MICB: variants seen among roughly 807,000 people sequenced by gnomAD.
MICB encodes the protein MHC class I antigen-related protein B.
MICB carries 27 observed loss-of-function variants against 34.3 expected under a neutral mutation model. The observed-to-expected ratio is 0.79, with a 90% confidence interval of 0.58 to 1.08. MICB has a LOEUF of 1.08. Among genes scored for constraint, MICB ranks in the 50% least tolerant of loss-of-function variants. MICB has a pLI of 0.00. For missense variants in MICB, 426 were observed against 483.1 expected, an observed-to-expected ratio of 0.88 and a Z score of 1.11; for synonymous variants, 153 against 187.4, an observed-to-expected ratio of 0.82 and a Z score of 1.50.
chr6:31,503,293 A>G (rs1418786050), intron 1 of MICB, among the ~76,000 whole-genome samples: 2 of 152,224 alleles, frequency 1.3e-5, no homozygotes, highest in Non-Finnish European at 2.9e-5. Flanking sequence ...AACAATTTGA[A>G]TAGGACTGAT....
rs890376882 is a variant in MICB at position 31,507,444 on chromosome 6, G to T, written c.937G>T (p.Val313Phe). 2 of 1,614,014 alleles carry T rather than the reference G, an allele frequency of 1.2e-6. No homozygotes were observed. The highest frequency in any genetic ancestry group is 2.7e-5 in the African/African-American group (2 of 74,896). The change falls in exon 5 of 6, where the codon GTT becomes TTT. Residue 313 changes from valine (V) to phenylalanine (F), a missense_variant. Coordinates refer to ENST00000252229, the MANE Select transcript of MICB (RefSeq NM_005931.5). The surrounding 1 kb of genome is among the most constrained non-coding windows in gnomAD (Gnocchi z 6.0). ...LQSQRTDFPY[V>F]SAAMPCFVII... is the part of the protein sequence containing the mutation. The stretch of plus-strand genomic sequence containing the variant: ...GAGTCAACGGACAGACTTTCCATAT[G>T]TTTCTGCTGCTATGCCATGTTTTGT...
chr6:31,496,345 G>C (rs1167287322), upstream of MICB, among the ~76,000 whole-genome samples: 1 of 150,914 alleles, frequency 6.6e-6, no homozygotes, highest in Non-Finnish European at 1.5e-5. Flanking sequence ...ATCTACTTGG[G>C]AAGATTTTCT....
At chr6:31,497,025 A>G (rs1457382689), upstream of MICB, among the ~76,000 whole-genome samples, 1 of 152,164 alleles carries the variant, frequency 6.6e-6, no homozygotes, top group Admixed American at 6.5e-5. Flanking sequence ...AGCATCCACC[A>G]TGTGTGACAT....
chr6:31,498,289 G>T (rs1263801918), intron 1 of MICB, 26 bp downstream of exon 1: 13 of 1,527,702 alleles, frequency 8.5e-6, no homozygotes, highest in Non-Finnish European at 1.1e-5. Flanking sequence ...GGCGGTCCCC[G>T]GCGGAGCGGG....
chr6:31,495,778 T>A (rs1445093857), upstream of MICB, among the ~76,000 whole-genome samples: 3 of 151,996 alleles, frequency 2.0e-5, no homozygotes, highest in Non-Finnish European at 4.4e-5. Context: ...TCCCAGCTAC[T>A]CAAGAGGCTG....
chr6:31,498,075 T>A, upstream of MICB: 1 of 725,876 alleles, frequency 1.4e-6, no homozygotes, highest in Non-Finnish European at 2.1e-6. Context: ...GGCCTCAGTT[T>A]TCACTGGATA....
At chr6:31,509,042 A>G (rs542427721) in intron 5 of MICB, among the ~76,000 whole-genome samples, 2 of 152,262 alleles carry the variant, frequency 1.3e-5, no homozygotes, top group African/African-American at 4.8e-5. Flanking sequence ...CTAGGGACAG[A>G]GCAGGAAGGC....
rs3095232 is a variant in MICB at position 31,502,371 on chromosome 6, G to C, written c.71-3246G>C. Among the ~76,000 whole-genome samples, 82 of 152,188 alleles carry C rather than the reference G, an allele frequency of 5.4e-4. No homozygotes were observed. The East Asian group carries it at 0.015, about 27-fold the overall frequency. ...AAATAAACATTGATTCTTCCAGTCCGTGAACATGGAATGCCTTTTCCATTT... is the reference window on the plus strand; with the variant it reads ...AAATAAACATTGATTCTTCCAGTCCCTGAACATGGAATGCCTTTTCCATTT... On this transcript the variant is annotated intron_variant, in intron 1 of 5. Transcript: ENST00000252229.
In MICB at chr6:31,507,682, ATCT is replaced by A; in HGVS notation, c.1024+152_1024+154del. On this transcript the variant is annotated intron_variant, in intron 5 of 5. Transcript: ENST00000252229. This position sits in a 1 kb window ranked among gnomAD's most constrained non-coding sequence, Gnocchi z 6.0. Reference sequence around the variant, plus strand: ...TATTTGGGAGGGGAATGGGAGCTGCATCTCCATCTACACCCATAAGTGCTTCCC... The same window carrying A: ...TATTTGGGAGGGGAATGGGAGCTGCACCATCTACACCCATAAGTGCTTCCC... The A allele has an allele frequency of 1.0e-6, 1 of 959,102 alleles. No homozygotes were observed. Among genetic ancestry groups the A allele is most frequent in the Non-Finnish European group, 1.6e-6 (1 of 640,110 alleles). The allele number at this position is 959,102 out of a possible 1,614,324, so 59.4% of individuals were successfully genotyped here.
intron 1 of MICB, among the ~76,000 whole-genome samples, chr6:31,505,415 C>T (rs926532636): frequency 4.0e-5 from 6 of 151,702 alleles, no homozygotes; most frequent in Non-Finnish European, 8.8e-5. Flanking sequence ...CATCTTCATT[C>T]CCCCTTCTTC....
intron 1 of MICB, among the ~76,000 whole-genome samples, chr6:31,502,411 A>C (rs1765063916): frequency 6.6e-6 from 1 of 152,168 alleles, no homozygotes; most frequent in African/African-American, 2.4e-5. Context: ...TGTCCTCTTC[A>C]ATGTTTTGCA....
chr6:31,500,896 T>C (rs1199872049), intron 1 of MICB, among the ~76,000 whole-genome samples: 1 of 152,204 alleles, frequency 6.6e-6, no homozygotes, highest in Non-Finnish European at 1.5e-5. Flanking sequence ...CATGGAAAAG[T>C]AGATAGCTCT....
At position 31,509,770 on chromosome 6, in the gene MICB, C is replaced by T. The variant is rs753851292; in HGVS notation, c.1025-12C>T. 28 of 1,604,118 alleles carry T rather than the reference C, an allele frequency of 1.7e-5. No individual in the cohort carries two copies. Among genetic ancestry groups the T allele is most frequent in the Non-Finnish European group, 2.3e-5 (27 of 1,175,078 alleles). On this transcript the variant is annotated splice_polypyrimidine_tract_variant and intron_variant, in intron 5 of 5. Transcript: ENST00000252229. ...ACCCAGTGGAGCATTTACCCGTTTC[C>T]CTCTTCTCCAGAGCTTGTGAGCCTG... is the stretch of plus-strand genomic sequence containing the variant.
chr6:31,510,101 C>T lies in MICB; in HGVS notation c.*192C>T, dbSNP rs190005787. ...GAGCCAGCAAAGGGATCATGACCAA[C>T]TCAACATTCCATTGGAGGCTATATG... On this transcript the variant is annotated 3_prime_UTR_variant, in exon 6 of 6. Coordinates refer to ENST00000252229, the MANE Select transcript of MICB (RefSeq NM_005931.5). 23 of 508,240 alleles carry T rather than the reference C, an allele frequency of 4.5e-5. No homozygotes were observed. The highest frequency in any genetic ancestry group is 4.1e-4 in the African/African-American group (21 of 50,954). The allele number at this position is 508,240 out of a possible 1,614,324, so 31.5% of individuals were successfully genotyped here. A position where few individuals can be genotyped will look rare whatever the true frequency, so the allele number is the denominator to read the frequency against.
intron 1 of MICB, among the ~76,000 whole-genome samples, chr6:31,504,065 TG>T (rs1765150460): frequency 6.6e-6 from 1 of 151,546 alleles, no homozygotes; most frequent in South Asian, 2.1e-4. Context: ...GTACTGATAT[TG>T]AGCATCTTTT....
chr6:31,503,882 G>A (rs1290814005), intron 1 of MICB, among the ~76,000 whole-genome samples: 6 of 151,366 alleles, frequency 4.0e-5, no homozygotes, highest in South Asian at 2.1e-4. Flanking sequence ...CATTGCAGGC[G>A]TGCCATTTTG....
upstream of MICB, among the ~76,000 whole-genome samples, chr6:31,497,605 G>A (rs1330900779): frequency 6.6e-6 from 1 of 152,202 alleles, no homozygotes; most frequent in Non-Finnish European, 1.5e-5. Context: ...TTCTACTGGG[G>A]CAAGTGCTTC....
At chr6:31,494,974 CT>C, upstream of MICB, 1 of 70,158 alleles carries the variant, frequency 1.4e-5, no homozygotes, top group Non-Finnish European at 2.9e-5. Flanking sequence ...CGCCTCTGTG[CT>C]CGTGAGTCCA....
Position 31,507,171 on chromosome 6 carries a change from G to A in MICB, c.763G>A (p.Asp255Asn), listed in dbSNP as rs780157874. 6.2e-7 allele frequency: 1 copy of A among 1,614,144 alleles called. No individual in the cohort carries two copies. The highest frequency in any genetic ancestry group is 1.3e-5 in the African/African-American group (1 of 75,020). The change falls in exon 4 of 6, where the codon GAT becomes AAT. Residue 255 changes from aspartate to asparagine, a missense_variant. Coordinates refer to ENST00000252229, the MANE Select transcript of MICB (RefSeq NM_005931.5). The surrounding 1 kb of genome is among the most constrained non-coding windows in gnomAD (Gnocchi z 6.0). ...GAGCCACAACACCCAGCAGTGGGGG[G>A]ATGTCCTGCCTGATGGGAATGGAAC... ...SLSHNTQQWG[D>N]VLPDGNGTYQ...
Sources: gnomAD v4.1 joint callset for allele counts (sites outside exome capture counted in the v4.1 genomes callset) on GRCh38, gnomAD v4.1.1 for gene constraint, Gnocchi (gnomAD v3.1) non-coding constraint, MANE v1.5 for transcripts, NCBI Gene and HGNC (gene_info 2026-07-23, HGNC 2026-07-21) for gene names.